Variants in SUCLG1 observed in about 807,000 individuals in gnomAD.
SUCLG1 encodes succinate-CoA ligase GDP/ADP-forming subunit alpha, also known as succinate--CoA ligase [ADP/GDP-forming] subunit alpha, mitochondrial.
A neutral mutation model predicts 37.3 loss-of-function variants in SUCLG1; 26 were observed. That is an observed-to-expected ratio of 0.70 (90% CI 0.51 to 0.97). The LOEUF (loss-of-function observed/expected upper bound fraction) is 0.97, where lower values mean the gene tolerates loss of function less well. Ranked by LOEUF, SUCLG1 falls within the 50% of genes least tolerant of loss-of-function variation. SUCLG1 has a pLI of 0.00. For missense variants in SUCLG1, 433 were observed against 432.9 expected, an observed-to-expected ratio of 1.00 and a Z score of 0.00; for synonymous variants, 163 against 155.6, an observed-to-expected ratio of 1.05 and a Z score of -0.36.
At chr2:84,431,224 C>T (rs529619256) in intron 7 of SUCLG1, among the ~76,000 whole-genome samples, 2 of 152,264 alleles carry the variant, frequency 1.3e-5, no homozygotes, top group East Asian at 3.9e-4. Flanking sequence ...CAAGTGCGGG[C>T]TCTCGGGCTG....
chr2:84,454,278 A>G (rs1446392041), intron 1 of SUCLG1, among the ~76,000 whole-genome samples: 3 of 152,282 alleles, frequency 2.0e-5, no homozygotes, highest in African/African-American at 7.2e-5. Flanking sequence ...AATGTGCAGT[A>G]TGCACAAATA....
chr2:84,441,414 G>A lies in SUCLG1; in HGVS notation c.364C>T (p.Pro122Ser). 6.2e-7 allele frequency: 1 copy of A among 1,614,138 alleles called. No individual in the cohort carries two copies. The highest frequency in any genetic ancestry group is 8.5e-7 in the Non-Finnish European group (1 of 1,180,032). The change falls in exon 4 of 9, where the codon CCG (proline) becomes TCG (serine). Residue 122 changes from proline (P) to serine (S), a missense_variant. Physicochemically the swap from Pro to Ser is moderately conservative, Grantham distance 74. Transcript: ENST00000393868. The stretch of plus-strand genomic sequence containing the variant: ...TTAATGGCAGCAGCAGCAAAAGGCG[G>A]AGGAACATAAATGACAGAAGCCGTT... Reference protein sequence around the residue: ...GATASVIYVPPPFAAAAINEA... With the variant: ...GATASVIYVPSPFAAAAINEA...
At position 84,449,742 on chromosome 2, in the gene SUCLG1, A is replaced by G; in HGVS notation, c.108T>C (p.Asn36=). The G allele has an allele frequency of 6.7e-7, 1 of 1,486,030 alleles. No individual in the cohort carries two copies. The highest frequency in any genetic ancestry group is 1.2e-5 in the South Asian group (1 of 84,968). 92.1% of individuals were successfully genotyped at this position (1,486,030 alleles called of 1,614,324 possible). A position where few individuals can be genotyped will look rare whatever the true frequency, so the allele number is the denominator to read the frequency against. The change falls in exon 2 of 9, where the codon AAT becomes AAC. Residue 36 remains asparagine (N), a synonymous_variant. Transcript: ENST00000393868. The part of the protein sequence containing the change: ...LLSRSFLLPQ[N]GIRHCSYTAS... ...CTGTGTAGGAACAATGCCGAATTCCATTCTGCGGCACTAAGAGGTTAAAAA... is the reference window on the plus strand; with the variant it reads ...CTGTGTAGGAACAATGCCGAATTCCGTTCTGCGGCACTAAGAGGTTAAAAA...
At chr2:84,445,503 A>G (rs1672836119) in intron 2 of SUCLG1, among the ~76,000 whole-genome samples, 1 of 152,174 alleles carries the variant, frequency 6.6e-6, no homozygotes, top group Non-Finnish European at 1.5e-5. Context: ...TTTGAGAACT[A>G]GCAGGCATCT....
At chr2:84,450,587 C>T (rs1410552244) in intron 1 of SUCLG1, among the ~76,000 whole-genome samples, 2 of 152,190 alleles carry the variant, frequency 1.3e-5, no homozygotes, top group Non-Finnish European at 2.9e-5. Flanking sequence ...AACAACCTGA[C>T]TTCTCTGTGG....
At position 84,428,211 on chromosome 2, in the gene SUCLG1, C is replaced by T. The variant is rs57011139; in HGVS notation, c.826-2608G>A. ...CTCTAGCTTCCTCTTCCCCATAAGC[C>T]TTTTCTATCTCTCCCTCCCACCCTC... On this transcript the variant is annotated intron_variant, in intron 7 of 8. Transcript: ENST00000393868. Among the ~76,000 whole-genome samples the T allele has an allele frequency of 6.0e-3, 906 of 152,204 alleles. 6 individuals are homozygous for T. The highest frequency in any genetic ancestry group is 0.02 in the African/African-American group (816 of 41,504).
At chr2:84,439,989 A>G (rs2104252335) in intron 5 of SUCLG1, among the ~76,000 whole-genome samples, 1 of 152,340 alleles carries the variant, frequency 6.6e-6, no homozygotes, top group Admixed American at 6.5e-5. Context: ...TGGCCTTATA[A>G]GCACATGAAA....
At chr2:84,449,009 T>A in intron 2 of SUCLG1, 1 of 342,688 alleles carries the variant, frequency 2.9e-6, no homozygotes, top group Non-Finnish European at 6.1e-6. Flanking sequence ...TATTATAGAA[T>A]TGCATCACAG....
chr2:84,441,134 TA>T lies in SUCLG1; in HGVS notation c.532-31del, dbSNP rs34359115. The stretch of plus-strand genomic sequence containing the variant: ...AAGTAATCATAGTTTTCAGAAATGT[TA>T]AAAAAAAAAGTCACTCACAGGTCAT... On this transcript the variant is annotated intron_variant, in intron 4 of 8. Coordinates refer to ENST00000393868, the MANE Select transcript of SUCLG1 (RefSeq NM_003849.4). The T allele has an allele frequency of 5.9e-3, 8,535 of 1,444,434 alleles. 157 individuals are homozygous for T. Among genetic ancestry groups the T allele is most frequent in the East Asian group, 0.057 (2,313 of 40,898 alleles). The allele number at this position is 1,444,434 out of a possible 1,614,324, so 89.5% of individuals were successfully genotyped here.
chr2:84,442,688 G>C (rs1253661425), intron 3 of SUCLG1, among the ~76,000 whole-genome samples: 1 of 152,120 alleles, frequency 6.6e-6, no homozygotes, highest in Non-Finnish European at 1.5e-5. Flanking sequence ...CATTTTAAAA[G>C]GTAACTATTA....
At chr2:84,424,013 T>C (rs993844393) in intron 8 of SUCLG1, among the ~76,000 whole-genome samples, 1 of 152,244 alleles carries the variant, frequency 6.6e-6, no homozygotes, top group Non-Finnish European at 1.5e-5. Context: ...TTACATTTCC[T>C]AAATCCAGAA....
chr2:84,449,067 A>G (rs1028077295), intron 2 of SUCLG1: 9 of 222,126 alleles, frequency 4.1e-5, no homozygotes, highest in Non-Finnish European at 9.0e-5. Context: ...AACAGGAAAG[A>G]GTATGAGAGA....
chr2:84,442,163 CT>C (rs781522904), intron 3 of SUCLG1, among the ~76,000 whole-genome samples: 244 of 22,624 alleles, frequency 0.011, no homozygotes, highest in South Asian at 0.026. Context: ...GAAGAACTTT[CT>C]TTAAAAAAAA....
intron 6 of SUCLG1, among the ~76,000 whole-genome samples, chr2:84,432,039 A>G (rs976685354): frequency 6.6e-6 from 1 of 152,244 alleles, no homozygotes; most frequent in South Asian, 2.1e-4. Context: ...ATGTTACACC[A>G]GAGGAAAGAA....
chr2:84,436,289 A>G (rs1054435068), intron 5 of SUCLG1, among the ~76,000 whole-genome samples: 2 of 152,250 alleles, frequency 1.3e-5, no homozygotes, highest in Non-Finnish European at 2.9e-5. Flanking sequence ...AAATCATAAT[A>G]ATGCTTTTTA....
intron 2 of SUCLG1, among the ~76,000 whole-genome samples, chr2:84,449,379 G>A (rs1362710519): frequency 1.3e-5 from 2 of 152,128 alleles, no homozygotes; most frequent in Non-Finnish European, 2.9e-5. Context: ...CATTAGTGTT[G>A]TATTTGCTGA....
At chr2:84,448,945 T>C in intron 2 of SUCLG1, 1 of 406,808 alleles carries the variant, frequency 2.5e-6, no homozygotes, top group Middle Eastern at 3.5e-4. Context: ...ACAGAAGGAG[T>C]TCCTGGGGAG....
intron 1 of SUCLG1, among the ~76,000 whole-genome samples, chr2:84,450,018 A>G (rs1181483040): frequency 1.3e-5 from 2 of 152,112 alleles, no homozygotes; most frequent in East Asian, 3.9e-4. Flanking sequence ...ACTGAGGGAA[A>G]AAAAAGCAAT....
At chr2:84,427,870 AAATT>A (rs1159145111) in intron 7 of SUCLG1, among the ~76,000 whole-genome samples, 1 of 152,228 alleles carries the variant, frequency 6.6e-6, no homozygotes, top group Non-Finnish European at 1.5e-5. Flanking sequence ...TAATTTAATA[AAATT>A]AATAATTTGC....
Sources: gnomAD v4.1 joint callset for allele counts (sites outside exome capture counted in the v4.1 genomes callset) on GRCh38, gnomAD v4.1.1 for gene constraint, MANE v1.5 for transcripts, NCBI Gene and HGNC (gene_info 2026-07-23, HGNC 2026-07-21) for gene names.